The following MAGI2 variants were observed in gnomAD, a reference collection of about 807,000 sequenced individuals.
The protein encoded by MAGI2 is membrane associated guanylate kinase, WW and PDZ domain containing 2.
In MAGI2, 35 loss-of-function variants were observed where a neutral mutation model predicts 133.3. The ratio of observed to expected loss-of-function variants is 0.26; its 90% CI spans 0.20 to 0.35. The LOEUF (loss-of-function observed/expected upper bound fraction) is 0.35. Ranked by LOEUF, MAGI2 falls within the 10% of genes least tolerant of loss-of-function variation. The pLI, the probability that MAGI2 is intolerant of heterozygous loss-of-function variation, is 1.00. For missense variants in MAGI2, 1,636 were observed against 1,863.4 expected (o/e 0.88, Z 2.25); for synonymous variants, 729 against 710.6 (o/e 1.03, Z -0.41).
chr7:78,472,087 G>A (rs139831809), intron 6 of MAGI2, among the ~76,000 whole-genome samples: 105 of 152,164 alleles, frequency 6.9e-4, no homozygotes, highest in African/African-American at 2.4e-3. Flanking sequence ...GTAGTCACAT[G>A]GCTGAGCACT....
intron 1 of MAGI2, among the ~76,000 whole-genome samples, chr7:79,011,794 A>C (rs771619504): frequency 3.3e-5 from 5 of 152,016 alleles, no homozygotes; most frequent in Admixed American, 3.3e-4. Flanking sequence ...GTGAATATTT[A>C]ATTTTAGTTT....
At chr7:78,554,716 G>A (rs2150715515) in intron 3 of MAGI2, 1 of 152,306 alleles carries the variant, frequency 6.6e-6, no homozygotes, top group East Asian at 1.9e-4. Flanking sequence ...AAGACACAGG[G>A]TCACAGAGAG....
chr7:78,117,960 T>C (rs951712005), intron 20 of MAGI2, among the ~76,000 whole-genome samples: 4 of 152,180 alleles, frequency 2.6e-5, no homozygotes, highest in Non-Finnish European at 4.4e-5. Flanking sequence ...AGACTTACTA[T>C]AAAGCCACAG....
At chr7:78,941,021 C>G (rs1800923186) in intron 2 of MAGI2, 1 of 152,122 alleles carries the variant, frequency 6.6e-6, no homozygotes, top group Non-Finnish European at 1.5e-5. Context: ...GAAATTGATA[C>G]CAGTGTAGAT....
intron 2 of MAGI2, among the ~76,000 whole-genome samples, chr7:78,977,553 A>G (rs1804401722): frequency 6.6e-6 from 1 of 151,330 alleles, no homozygotes; most frequent in African/African-American, 2.4e-5. Flanking sequence ...ATTTACACAA[A>G]AAGTTAATCT....
chr7:78,732,656 T>C (rs558595237), intron 2 of MAGI2, among the ~76,000 whole-genome samples: 2 of 152,276 alleles, frequency 1.3e-5, no homozygotes, highest in Admixed American at 6.5e-5. Context: ...ATTTTCAAGA[T>C]GTTTAAAAGG....
At chr7:78,989,477 T>C (rs1805555433) in intron 2 of MAGI2, among the ~76,000 whole-genome samples, 1 of 152,032 alleles carries the variant, frequency 6.6e-6, no homozygotes, top group South Asian at 2.1e-4. Context: ...AAAAGAAAAC[T>C]CCAGAGGCTT....
chr7:78,202,682 CAA>C (rs59358280), intron 10 of MAGI2, among the ~76,000 whole-genome samples: 33 of 70,532 alleles, frequency 4.7e-4, no homozygotes, highest in South Asian at 6.5e-4. Context: ...GACTCTGTCT[CAA>C]AAAAAAAAAA....
At chr7:79,009,759 A>T (rs1212025774) in intron 1 of MAGI2, among the ~76,000 whole-genome samples, 1 of 152,114 alleles carries the variant, frequency 6.6e-6, no homozygotes, top group Non-Finnish European at 1.5e-5. Context: ...AAGGAAATGG[A>T]CATAATATCT....
intron 6 of MAGI2, among the ~76,000 whole-genome samples, chr7:78,482,890 CACACACACACACACACA>C (rs1792558969): frequency 2.0e-5 from 3 of 148,540 alleles, no homozygotes; most frequent in South Asian, 2.1e-4. Flanking sequence ...CACACACACA[CACACACACACACACACA>C]CACACACACA....
intron 1 of MAGI2, among the ~76,000 whole-genome samples, chr7:79,384,068 T>C (rs1222001943): frequency 6.6e-6 from 1 of 151,304 alleles, no homozygotes; most frequent in African/African-American, 2.4e-5. Flanking sequence ...GGGTAAACAA[T>C]GCATTTAAAA....
At chr7:78,473,770 A>C (rs1791464420) in intron 6 of MAGI2, among the ~76,000 whole-genome samples, 1 of 151,884 alleles carries the variant, frequency 6.6e-6, no homozygotes. Context: ...TAAACACAAC[A>C]CCTCTTCAGC....
intron 2 of MAGI2, among the ~76,000 whole-genome samples, chr7:78,642,517 T>G (rs6947321): frequency 0.052 from 7,993 of 152,260 alleles, 289 homozygotes; most frequent in East Asian, 0.15. Flanking sequence ...TTAGGAGCCC[T>G]CAATTTTTTC....
chr7:78,551,598 G>A (rs754706757), intron 3 of MAGI2, among the ~76,000 whole-genome samples: 3 of 152,242 alleles, frequency 2.0e-5, no homozygotes, highest in Non-Finnish European at 4.4e-5. Context: ...AGAGAAGACA[G>A]TTCTGAGGAG....
intron 2 of MAGI2, among the ~76,000 whole-genome samples, chr7:78,694,807 T>G (rs1036505162): frequency 6.6e-6 from 1 of 152,204 alleles, no homozygotes; most frequent in Non-Finnish European, 1.5e-5. Flanking sequence ...TGCAATTAAG[T>G]CAGGACTTTA....
chr7:79,099,978 C>A (rs1408378245), intron 1 of MAGI2, among the ~76,000 whole-genome samples: 1 of 152,164 alleles, frequency 6.6e-6, no homozygotes. Context: ...ACACTTTTCT[C>A]TTTGCATATA....
chr7:79,106,712 C>T (rs1417555800), intron 1 of MAGI2, among the ~76,000 whole-genome samples: 1 of 152,136 alleles, frequency 6.6e-6, no homozygotes, highest in Non-Finnish European at 1.5e-5. Context: ...ATTTTCTCAA[C>T]CAGGTGAAAA....
chr7:79,083,373 A>G (rs1816221569), intron 1 of MAGI2, among the ~76,000 whole-genome samples: 1 of 148,956 alleles, frequency 6.7e-6, no homozygotes, highest in Admixed American at 6.7e-5. Context: ...TACTTTGTTT[A>G]CAGTTGGGAC....
intron 10 of MAGI2, among the ~76,000 whole-genome samples, chr7:78,209,417 A>G (rs1787535710): frequency 6.7e-6 from 1 of 149,200 alleles, no homozygotes; most frequent in African/African-American, 2.5e-5. Flanking sequence ...GTGCACCATC[A>G]CGCCCCACTA....
Sources: allele counts gnomAD v4.1 joint callset (sites outside exome capture counted in the v4.1 genomes callset), GRCh38; gene constraint gnomAD v4.1.1; transcripts MANE v1.5; gene names NCBI Gene and HGNC (gene_info 2026-07-23, HGNC 2026-07-21).